The following RHBDD1 variants were observed in gnomAD, a reference collection of about 807,000 sequenced individuals.
RHBDD1 encodes the protein rhomboid-related protein 4.
In RHBDD1, 38 loss-of-function variants were observed where a neutral mutation model predicts 36.3. The ratio of observed to expected loss-of-function variants is 1.05; its 90% CI spans 0.81 to 1.37. The LOEUF (loss-of-function observed/expected upper bound fraction) is 1.37. Ranked by LOEUF, RHBDD1 falls within the 40% of genes most tolerant of loss-of-function variation. The probability of loss-of-function intolerance (pLI) is 0.00; values close to 1 mark genes in which losing one functional copy is unlikely to be tolerated. For synonymous variants in RHBDD1, 151 were observed against 136.5 expected (o/e 1.11, Z -0.74); for missense variants, 393 against 377.6 (o/e 1.04, Z -0.34).
chr2:226,857,692 G>C (rs1240941324), intron 3 of RHBDD1, among the ~76,000 whole-genome samples: 1 of 152,180 alleles, frequency 6.6e-6, no homozygotes, highest in Non-Finnish European at 1.5e-5. Flanking sequence ...GCCATGTATT[G>C]TGTGACTTCA....
chr2:226,861,766 A>G (rs1048977378), intron 3 of RHBDD1, among the ~76,000 whole-genome samples: 2 of 152,204 alleles, frequency 1.3e-5, no homozygotes, highest in African/African-American at 4.8e-5. Context: ...TGATAAATTT[A>G]GGAGAATTAC....
intron 5 of RHBDD1, among the ~76,000 whole-genome samples, chr2:226,874,036 AG>A (rs1945014546): frequency 6.6e-6 from 1 of 152,150 alleles, no homozygotes; most frequent in African/African-American, 2.4e-5. Context: ...GAGAGAGCAC[AG>A]GGGAAGTACC....
At chr2:226,941,332 C>T (rs142881276) in intron 8 of RHBDD1, among the ~76,000 whole-genome samples, 10 of 152,324 alleles carry the variant, frequency 6.6e-5, no homozygotes, top group African/African-American at 2.2e-4. Context: ...ACTTCTCCAT[C>T]GGCCTTCAGC....
At chr2:226,842,876 G>A (rs778974908) in intron 3 of RHBDD1, among the ~76,000 whole-genome samples, 4 of 152,116 alleles carry the variant, frequency 2.6e-5, no homozygotes, top group South Asian at 2.1e-4. Flanking sequence ...CAGTATGGCC[G>A]TTTTCATGAT....
chr2:226,982,085 T>C (rs1445244463), intron 8 of RHBDD1, among the ~76,000 whole-genome samples: 2 of 152,234 alleles, frequency 1.3e-5, no homozygotes, highest in African/African-American at 4.8e-5. Flanking sequence ...CCCCCCGCCC[T>C]CTTTTCTTTT....
chr2:226,887,673 G>A (rs1299792435), intron 5 of RHBDD1, among the ~76,000 whole-genome samples: 1 of 152,204 alleles, frequency 6.6e-6, no homozygotes, highest in Non-Finnish European at 1.5e-5. Flanking sequence ...TGTTGAAAAT[G>A]CTCTTGTCAA....
At chr2:226,950,349 C>T (rs10439363) in intron 8 of RHBDD1, among the ~76,000 whole-genome samples, 75,032 of 152,002 alleles carry the variant, frequency 0.49, 19,289 homozygotes, top group African/African-American at 0.65. Context: ...GTTTCCTCCA[C>T]GTTGTTGGAA....
chr2:226,913,764 T>A (rs1287345081), intron 7 of RHBDD1, among the ~76,000 whole-genome samples: 1 of 152,204 alleles, frequency 6.6e-6, no homozygotes, highest in Non-Finnish European at 1.5e-5. Context: ...TTCTGTGGGA[T>A]CTGTATGAAA....
chr2:226,965,036 A>C (rs1952513734), intron 8 of RHBDD1, among the ~76,000 whole-genome samples: 1 of 152,234 alleles, frequency 6.6e-6, no homozygotes, highest in Admixed American at 6.5e-5. Context: ...ATCCTCTGAA[A>C]GATATGACCA....
intron 5 of RHBDD1, among the ~76,000 whole-genome samples, chr2:226,901,585 A>C (rs2125592746): frequency 6.6e-6 from 1 of 152,240 alleles, no homozygotes; most frequent in Admixed American, 6.5e-5. Context: ...CACACATGTG[A>C]GGTGATATCT....
chr2:226,886,488 G>A (rs1412143129), intron 5 of RHBDD1, among the ~76,000 whole-genome samples: 2 of 152,142 alleles, frequency 1.3e-5, no homozygotes, highest in African/African-American at 2.4e-5. Context: ...ACCTGAAAAC[G>A]CGGCTGAGCA....
intron 3 of RHBDD1, among the ~76,000 whole-genome samples, chr2:226,843,108 TG>T (rs1384385645): frequency 1.3e-5 from 2 of 152,210 alleles, no homozygotes. Flanking sequence ...TAGCAATTTT[TG>T]CACATTGATT....
chr2:226,962,608 A>AT (rs1189190052), intron 8 of RHBDD1, among the ~76,000 whole-genome samples: 2 of 152,218 alleles, frequency 1.3e-5, no homozygotes, highest in Non-Finnish European at 2.9e-5. Context: ...ACTGAAATTA[A>AT]TTTGTGGCTG....
intron 8 of RHBDD1, among the ~76,000 whole-genome samples, chr2:226,983,998 G>A (rs1256651037): frequency 1.3e-5 from 2 of 152,224 alleles, no homozygotes; most frequent in East Asian, 1.9e-4. Context: ...GTATAGGAGG[G>A]TGAGCCATGC....
At chr2:226,821,884 C>T in the RHBDD1 span, among the ~76,000 whole-genome samples, 3 of 151,878 alleles carry the variant, frequency 2.0e-5, no homozygotes, top group Admixed American at 2.0e-4. Flanking sequence ...ATGCTATTTA[C>T]GTTTTACTCT....
chr2:226,806,258 G>A, the RHBDD1 span, among the ~76,000 whole-genome samples: 1 of 152,174 alleles, frequency 6.6e-6, no homozygotes, highest in East Asian at 1.9e-4. Context: ...GGTGTTGTCC[G>A]GTGTGACTCT....
intron 5 of RHBDD1, among the ~76,000 whole-genome samples, chr2:226,876,072 A>G (rs954462436): frequency 3.3e-5 from 5 of 152,208 alleles, no homozygotes; most frequent in African/African-American, 1.2e-4. Context: ...ATAAACTCCA[A>G]GTTGGGAAGA....
At chr2:226,988,870 C>G in intron 8 of RHBDD1, 1 of 210,090 alleles carries the variant, frequency 4.8e-6, no homozygotes, top group Non-Finnish European at 8.3e-6. Context: ...TACTCCTTGT[C>G]AAAGGAGATC....
chr2:226,970,434 C>T (rs1314118932), intron 8 of RHBDD1, among the ~76,000 whole-genome samples: 1 of 152,128 alleles, frequency 6.6e-6, no homozygotes, highest in South Asian at 2.1e-4. Flanking sequence ...ATATGAGTCT[C>T]ATGATATGGA....
Sources: gnomAD v4.1 joint callset for allele counts (sites outside exome capture counted in the v4.1 genomes callset) on GRCh38, gnomAD v4.1.1 for gene constraint, MANE v1.5 for transcripts, NCBI Gene and HGNC (gene_info 2026-07-23, HGNC 2026-07-21) for gene names.